The following FGF13 variants were observed in gnomAD, a reference collection of about 807,000 sequenced individuals.
FGF13 encodes the protein fibroblast growth factor homologous factor 2.
FGF13 carries 2 observed loss-of-function variants against 19.5 expected under a neutral mutation model. The observed-to-expected ratio is 0.10, with a 90% CI of 0.04 to 0.32. The LOEUF is 0.32. FGF13 is among the 10% of genes least tolerant of loss of function. The pLI, the probability that FGF13 is intolerant of heterozygous loss-of-function variation, is 1.00. For synonymous variants in FGF13, 72 were observed against 76.9 expected, an observed-to-expected ratio of 0.94 and a Z score of 0.33; for missense variants, 113 against 192.7, an observed-to-expected ratio of 0.59 and a Z score of 2.45.
Position 138,865,990 on chromosome X carries a change from G to A in FGF13, c.-112-1340C>T, listed in dbSNP as rs750088634. On this transcript the variant is annotated intron_variant, in intron 1 of 2. Coordinates refer to the FGF13 transcript ENST00000421460. ...TGCAATCTCAGAGCAGTCCAAGCTC[G>A]CAGTCACAAAATAAAATGGTACCAA... is the stretch of plus-strand genomic sequence containing the variant. Among the ~76,000 whole-genome samples the A allele has an allele frequency of 2.7e-5, 3 of 112,142 alleles. No individual in the cohort carries two copies. In the South Asian group the frequency reaches 1.1e-3, roughly 42 times the overall value.
In FGF13 at chrX:139,183,177, C is replaced by T. The variant is rs185779329; in HGVS notation, c.-113+20239G>A. ...TTGCACACCATTGGCTGGCAGGACA[C>T]GCCAAAAACATGTCAAAAGTATCAC... is the stretch of plus-strand genomic sequence containing the variant. On this transcript the variant is annotated intron_variant, in intron 1 of 2. Transcript: ENST00000421460. Among the ~76,000 whole-genome samples the T allele has an allele frequency of 1.2e-4, 13 of 112,148 alleles. No individual in the cohort carries two copies. The South Asian group carries it at 1.9e-3, about 16-fold the overall frequency.
intron 1 of FGF13, among the ~76,000 whole-genome samples, chrX:139,196,716 A>C (rs58202965): frequency 0.029 from 3,217 of 111,778 alleles, 146 homozygotes; most frequent in East Asian, 0.28. Context: ...TCAAATCCTC[A>C]CTTCACCATC....
chrX:138,869,640 T>C (rs2091347528), intron 1 of FGF13, among the ~76,000 whole-genome samples: 1 of 112,532 alleles, frequency 8.9e-6, no homozygotes, highest in Non-Finnish European at 1.9e-5. Flanking sequence ...TGCATTTCTC[T>C]ACCTATTTGC....
chrX:139,011,402 C>T (rs1665443534), intron 1 of FGF13, among the ~76,000 whole-genome samples: 1 of 107,216 alleles, frequency 9.3e-6, no homozygotes, highest in Non-Finnish European at 1.9e-5. Flanking sequence ...AAACTACAGA[C>T]CAATATCCCT....
chrX:139,151,848 T>C (rs955949455), intron 1 of FGF13, among the ~76,000 whole-genome samples: 22 of 111,990 alleles, frequency 2.0e-4, no homozygotes, highest in Non-Finnish European at 9.4e-5. Flanking sequence ...TAATCCTTCA[T>C]GTTATAAAAA....
At chrX:138,938,877 T>C (rs1175084379) in intron 1 of FGF13, among the ~76,000 whole-genome samples, 1 of 111,270 alleles carries the variant, frequency 9.0e-6, no homozygotes, top group Non-Finnish European at 1.9e-5. Flanking sequence ...ACGTTTCTCA[T>C]GCAGAGCACA....
chrX:138,861,801 G>A (rs2091289547), intron 2 of FGF13, among the ~76,000 whole-genome samples: 1 of 111,047 alleles, frequency 9.0e-6, no homozygotes, highest in African/African-American at 3.3e-5. Flanking sequence ...TCATGAGTTC[G>A]AGACTAGACT....
chrX:138,736,154 C>T (rs2090273121), intron 1 of FGF13, among the ~76,000 whole-genome samples: 1 of 111,962 alleles, frequency 8.9e-6, no homozygotes, highest in Admixed American at 9.5e-5. Flanking sequence ...AGGAGGCACT[C>T]ACTTCCTTTT....
At chrX:138,973,931 A>AT (rs2091929739) in intron 1 of FGF13, among the ~76,000 whole-genome samples, 1 of 111,438 alleles carries the variant, frequency 9.0e-6, no homozygotes, top group Non-Finnish European at 1.9e-5. Context: ...TTGGGAGGCA[A>AT]TTAGGATTAG....
chrX:138,872,330 T>C (rs887691783), intron 1 of FGF13, among the ~76,000 whole-genome samples: 5 of 112,195 alleles, frequency 4.5e-5, no homozygotes, highest in Non-Finnish European at 9.4e-5. Context: ...CTCTCTCCTG[T>C]GGTGTCTCAT....
intron 3 of FGF13, among the ~76,000 whole-genome samples, chrX:138,779,311 C>A (rs758424172): frequency 8.9e-6 from 1 of 112,033 alleles, no homozygotes; most frequent in Non-Finnish European, 1.9e-5. Flanking sequence ...CAAAGCTGGA[C>A]GGAGAATGAC....
chrX:139,049,059 A>G (rs925445958), intron 1 of FGF13, among the ~76,000 whole-genome samples: 1 of 111,159 alleles, frequency 9.0e-6, no homozygotes, highest in African/African-American at 3.3e-5. Flanking sequence ...ATGCACTTCG[A>G]CGTGTTTAAG....
chrX:138,901,117 A>G (rs1244208940), intron 1 of FGF13, among the ~76,000 whole-genome samples: 4 of 112,257 alleles, frequency 3.6e-5, no homozygotes, highest in African/African-American at 1.3e-4. Flanking sequence ...ACTTTGGCAC[A>G]TAAGATACAC....
chrX:138,765,396 T>C (rs966142594), intron 3 of FGF13, among the ~76,000 whole-genome samples: 17 of 111,752 alleles, frequency 1.5e-4, no homozygotes, highest in Admixed American at 1.3e-3. Context: ...TCCTGTTCTC[T>C]ATTATAAATT....
At chrX:138,693,201 A>T (rs747498993) in intron 3 of FGF13, among the ~76,000 whole-genome samples, 1 of 112,142 alleles carries the variant, frequency 8.9e-6, no homozygotes, top group South Asian at 3.7e-4. Context: ...AGAATAATAA[A>T]CGTGAAATAA....
At chrX:139,190,941 G>A (rs10127052) in intron 1 of FGF13, among the ~76,000 whole-genome samples, 35,107 of 110,689 alleles carry the variant, frequency 0.32, 4,110 homozygotes, top group African/African-American at 0.38. Flanking sequence ...AGAAACGTGC[G>A]AGTACACTAA....
intron 1 of FGF13, among the ~76,000 whole-genome samples, chrX:138,913,636 T>TGGAG (rs1350458730): frequency 1.4e-4 from 4 of 29,355 alleles, no homozygotes; most frequent in Non-Finnish European, 2.7e-4. Context: ...GAAGGAGGGA[T>TGGAG]GGAGGAAGGA....
At chrX:139,118,161 C>T (rs749566052) in intron 1 of FGF13, among the ~76,000 whole-genome samples, 2 of 111,780 alleles carry the variant, frequency 1.8e-5, no homozygotes, top group East Asian at 5.7e-4. Context: ...AGGCATTCTC[C>T]ATGGCCAAAA....
At chrX:138,693,456 T>C (rs1428864749) in intron 3 of FGF13, among the ~76,000 whole-genome samples, 7 of 111,886 alleles carry the variant, frequency 6.3e-5, no homozygotes, top group Non-Finnish European at 9.4e-5. Flanking sequence ...GCTTTTTTCC[T>C]GTAAAAATTT....
Sources: gnomAD v4.1 joint callset for allele counts (sites outside exome capture counted in the v4.1 genomes callset) on GRCh38, gnomAD v4.1.1 for gene constraint, MANE v1.5 for transcripts, NCBI Gene and HGNC (gene_info 2026-07-23, HGNC 2026-07-21) for gene names.